PHLPP1: variants seen among roughly 807,000 people sequenced by gnomAD.
The protein encoded by PHLPP1 is PH domain and leucine rich repeat protein phosphatase 1, also known as PH domain leucine-rich repeat-containing protein phosphatase 1.
In PHLPP1, 42 loss-of-function variants were observed where a neutral mutation model predicts 117.2. The observed-to-expected ratio is 0.36, with a 90% CI of 0.28 to 0.46. The LOEUF is 0.46. PHLPP1 is among the 20% of genes least tolerant of loss of function. PHLPP1 has a pLI of 1.00. For missense variants in PHLPP1, 2,084 were observed against 2,241.9 expected, an observed-to-expected ratio of 0.93 and a Z score of 1.42; for synonymous variants, 1,042 against 970.7, an observed-to-expected ratio of 1.07 and a Z score of -1.37.
chr18:62,787,920 G>T (rs1203822418), intron 1 of PHLPP1, among the ~76,000 whole-genome samples: 1 of 152,294 alleles, frequency 6.6e-6, no homozygotes, highest in East Asian at 1.9e-4. Context: ...GTGGAACTTG[G>T]TTAAAAGTAC....
chr18:62,840,818 AT>A (rs1915029763), intron 3 of PHLPP1, among the ~76,000 whole-genome samples: 1 of 152,238 alleles, frequency 6.6e-6, no homozygotes, highest in Non-Finnish European at 1.5e-5. Context: ...TAGCAGATGT[AT>A]TACCACAATA....
chr18:62,892,907 G>C (rs1916463330), intron 4 of PHLPP1, among the ~76,000 whole-genome samples: 1 of 151,864 alleles, frequency 6.6e-6, no homozygotes, highest in African/African-American at 2.4e-5. Flanking sequence ...TGACCATGTG[G>C]ATCTTCTGAA....
intron 1 of PHLPP1, among the ~76,000 whole-genome samples, chr18:62,720,887 CAG>C (rs1910893197): frequency 6.6e-6 from 1 of 152,014 alleles, no homozygotes; most frequent in Admixed American, 6.6e-5. Flanking sequence ...CTTTCAAAAA[CAG>C]TGTTAAGGAG....
chr18:62,811,597 A>G (rs1391434187), intron 1 of PHLPP1, among the ~76,000 whole-genome samples: 1 of 145,574 alleles, frequency 6.9e-6, no homozygotes, highest in Non-Finnish European at 1.5e-5. Context: ...ATGGGGCTGT[A>G]TTTATAGTAA....
In PHLPP1 at chr18:62,860,299, T is replaced by C. The variant is rs1915599862; in HGVS notation, c.1900-136T>C. 4 of 702,212 alleles carry C rather than the reference T, an allele frequency of 5.7e-6. No individual in the cohort carries two copies. The South Asian group carries it at 7.4e-5, about 13-fold the overall frequency. The allele number at this position is 702,212 out of a possible 1,614,324, so 43.5% of individuals were successfully genotyped here. A position where few individuals can be genotyped will look rare whatever the true frequency, so the allele number is the denominator to read the frequency against. ...GTATGCGGCACATGACTGAATACTCTGTTGGTTTATATTTGGACTAACAGT... is the reference window on the plus strand; with the variant it reads ...GTATGCGGCACATGACTGAATACTCCGTTGGTTTATATTTGGACTAACAGT... On this transcript the variant is annotated intron_variant, in intron 3 of 16. Transcript: ENST00000262719.
intron 1 of PHLPP1, among the ~76,000 whole-genome samples, chr18:62,755,856 A>G (rs1232906771): frequency 2.0e-5 from 3 of 152,016 alleles, no homozygotes; most frequent in African/African-American, 7.2e-5. Flanking sequence ...GGTTTCTTAG[A>G]AGGTATTATT....
intron 4 of PHLPP1, among the ~76,000 whole-genome samples, chr18:62,878,205 G>C (rs1916094292): frequency 6.6e-6 from 1 of 152,168 alleles, no homozygotes; most frequent in Non-Finnish European, 1.5e-5. Flanking sequence ...CTAGTGCATA[G>C]TAATAAGTAT....
rs887671084 is a variant in PHLPP1 at position 62,890,797 on chromosome 18, C to T, written c.2067-4214C>T. On this transcript the variant is annotated intron_variant, in intron 4 of 16. Transcript: ENST00000262719. ...TCTGTTCCCCACTTTGAAAAGTTCA[C>T]GTGCTCTATTATGTTGGATAATGTC... Among the ~76,000 whole-genome samples the T allele has an allele frequency of 4.6e-5, 7 of 152,282 alleles. No homozygotes were observed. In the East Asian group the frequency reaches 9.6e-4, roughly 21 times the overall value.
At chr18:62,963,719 A>T (rs1398253753) in intron 14 of PHLPP1, among the ~76,000 whole-genome samples, 1 of 152,222 alleles carries the variant, frequency 6.6e-6, no homozygotes, top group Non-Finnish European at 1.5e-5. Flanking sequence ...CTGACACATT[A>T]TATCTATGTA....
chr18:62,859,349 C>G (rs1345762744), intron 3 of PHLPP1, among the ~76,000 whole-genome samples: 2 of 152,190 alleles, frequency 1.3e-5, no homozygotes, highest in South Asian at 4.1e-4. Context: ...TTTTCTGCTT[C>G]CCACATAAAA....
intron 1 of PHLPP1, among the ~76,000 whole-genome samples, chr18:62,789,586 C>G (rs1225168049): frequency 1.3e-5 from 2 of 152,136 alleles, no homozygotes; most frequent in Admixed American, 1.3e-4. Flanking sequence ...TCCCTCCATT[C>G]TTCATCAGTG....
At chr18:62,854,498 C>T (rs1915443488) in intron 3 of PHLPP1, among the ~76,000 whole-genome samples, 1 of 152,174 alleles carries the variant, frequency 6.6e-6, no homozygotes, top group Non-Finnish European at 1.5e-5. Flanking sequence ...CCGAGGAGGA[C>T]TCACTGTCTC....
At chr18:62,834,434 A>G (rs949522560) in intron 2 of PHLPP1, among the ~76,000 whole-genome samples, 6 of 152,198 alleles carry the variant, frequency 3.9e-5, no homozygotes, top group South Asian at 2.1e-4. Context: ...TGTGCAAAGT[A>G]TTAGAGAGTT....
intron 1 of PHLPP1, among the ~76,000 whole-genome samples, chr18:62,721,209 G>C (rs961089981): frequency 6.6e-6 from 1 of 152,272 alleles, no homozygotes; most frequent in African/African-American, 2.4e-5. Flanking sequence ...AAAGAACCAA[G>C]ACGGACAAAT....
intron 12 of PHLPP1, among the ~76,000 whole-genome samples, chr18:62,950,165 T>G (rs1910411533): frequency 6.6e-6 from 1 of 152,228 alleles, no homozygotes; most frequent in African/African-American, 2.4e-5. Flanking sequence ...GGCTTACTGA[T>G]TCTAAGAACA....
intron 1 of PHLPP1, among the ~76,000 whole-genome samples, chr18:62,798,757 C>A (rs1038886939): frequency 3.9e-5 from 6 of 152,014 alleles, no homozygotes; most frequent in African/African-American, 1.5e-4. Context: ...TCTGGGTGGT[C>A]ACTGTGTCTG....
chr18:62,828,906 A>G (rs541925149), intron 1 of PHLPP1, among the ~76,000 whole-genome samples: 1 of 152,304 alleles, frequency 6.6e-6, no homozygotes, highest in Admixed American at 6.5e-5. Flanking sequence ...TGGTACTCTG[A>G]AATTATCTGT....
chr18:62,905,566 T>C (rs929083946), intron 8 of PHLPP1, among the ~76,000 whole-genome samples: 1 of 152,226 alleles, frequency 6.6e-6, no homozygotes, highest in African/African-American at 2.4e-5. Flanking sequence ...AATAACTCTT[T>C]TCATTATATG....
chr18:62,883,746 A>T (rs566049029), intron 4 of PHLPP1, among the ~76,000 whole-genome samples: 2 of 152,320 alleles, frequency 1.3e-5, no homozygotes, highest in East Asian at 3.9e-4. Context: ...TTAAATGGAG[A>T]TAACATGGTG....
Sources: allele counts gnomAD v4.1 joint callset (sites outside exome capture counted in the v4.1 genomes callset), GRCh38; gene constraint gnomAD v4.1.1; transcripts MANE v1.5; gene names NCBI Gene and HGNC (gene_info 2026-07-23, HGNC 2026-07-21).